Variants in GPC6 observed in about 807,000 individuals in gnomAD.
GPC6 encodes glypican-6.
GPC6 carries 14 observed loss-of-function variants against 55.2 expected under a neutral mutation model. The ratio of observed to expected loss-of-function variants is 0.25; its 90% CI spans 0.17 to 0.40. The LOEUF is 0.40. GPC6 is among the 10% of genes least tolerant of loss of function. The pLI, the probability that GPC6 is intolerant of heterozygous loss-of-function variation, is 1.00. For missense variants in GPC6, 641 were observed against 708.5 expected (o/e 0.90, Z 1.08); for synonymous variants, 278 against 259.6 (o/e 1.07, Z -0.68).
intron 7 of GPC6, among the ~76,000 whole-genome samples, chr13:94,388,083 A>G (rs1184735867): frequency 6.6e-6 from 1 of 152,212 alleles, no homozygotes. Flanking sequence ...CATAAAGATA[A>G]TAGACAACAA....
chr13:94,164,477 A>G (rs1888280436), intron 4 of GPC6, among the ~76,000 whole-genome samples: 1 of 152,240 alleles, frequency 6.6e-6, no homozygotes, highest in South Asian at 2.1e-4. Context: ...GTCTAGAGAA[A>G]GCAAAATACT....
chr13:93,690,360 T>C (rs1446280919), intron 2 of GPC6, among the ~76,000 whole-genome samples: 1 of 151,968 alleles, frequency 6.6e-6, no homozygotes, highest in Non-Finnish European at 1.5e-5. Flanking sequence ...TCACTAAATT[T>C]GTTAGAAAGT....
At chr13:93,236,625 T>C (rs7334414) in intron 1 of GPC6, among the ~76,000 whole-genome samples, 39,133 of 152,082 alleles carry the variant, frequency 0.26, 5,145 homozygotes, top group African/African-American at 0.32. Flanking sequence ...GGTTGCGTGC[T>C]CATTATGAGA....
At chr13:93,552,204 C>T (rs954151467) in intron 2 of GPC6, among the ~76,000 whole-genome samples, 1 of 152,196 alleles carries the variant, frequency 6.6e-6, no homozygotes, top group Non-Finnish European at 1.5e-5. Flanking sequence ...GAAGCAGTCT[C>T]ACTGGCATGG....
intron 2 of GPC6, among the ~76,000 whole-genome samples, chr13:93,601,416 T>A (rs577510160): frequency 6.6e-6 from 1 of 152,098 alleles, no homozygotes; most frequent in African/African-American, 2.4e-5. Flanking sequence ...AATAAAAACA[T>A]GGGCATTAAG....
chr13:94,299,290 C>T (rs1298903459), intron 5 of GPC6, among the ~76,000 whole-genome samples: 1 of 152,216 alleles, frequency 6.6e-6, no homozygotes, highest in Non-Finnish European at 1.5e-5. Flanking sequence ...TGCATCATAT[C>T]ATTCTATCTT....
intron 4 of GPC6, among the ~76,000 whole-genome samples, chr13:94,213,715 T>A (rs1890150372): frequency 6.6e-6 from 1 of 151,968 alleles, no homozygotes; most frequent in African/African-American, 2.4e-5. Flanking sequence ...GCTGTGGAGG[T>A]CTCTTGAGAC....
intron 3 of GPC6, among the ~76,000 whole-genome samples, chr13:93,875,500 T>C (rs909253861): frequency 6.6e-6 from 1 of 152,090 alleles, no homozygotes; most frequent in African/African-American, 2.4e-5. Flanking sequence ...CAATAGTCTC[T>C]ACCAGCCCAC....
chr13:94,376,527 C>G (rs1290490157), intron 6 of GPC6, among the ~76,000 whole-genome samples: 2 of 151,448 alleles, frequency 1.3e-5, no homozygotes, highest in African/African-American at 4.8e-5. Flanking sequence ...GAACTACAAA[C>G]CACTGCTCAA....
intron 3 of GPC6, among the ~76,000 whole-genome samples, chr13:94,012,184 A>C (rs540961842): frequency 1.1e-3 from 163 of 152,310 alleles, no homozygotes; most frequent in Non-Finnish European, 2.0e-3. Context: ...ATGACAGTTC[A>C]TGGCTTAATT....
chr13:93,700,382 A>G (rs1841441442), intron 2 of GPC6, among the ~76,000 whole-genome samples: 1 of 152,040 alleles, frequency 6.6e-6, no homozygotes, highest in Admixed American at 6.6e-5. Context: ...TTCTACAGCA[A>G]TAGCCCTGGC....
At chr13:94,088,862 G>A (rs931498058) in intron 4 of GPC6, among the ~76,000 whole-genome samples, 4 of 152,030 alleles carry the variant, frequency 2.6e-5, no homozygotes, top group African/African-American at 7.2e-5. Flanking sequence ...AGTGATCTTG[G>A]GACTTGATTA....
chr13:93,742,869 C>A (rs150361241), intron 2 of GPC6, among the ~76,000 whole-genome samples: 1 of 152,038 alleles, frequency 6.6e-6, no homozygotes, highest in African/African-American at 2.4e-5. Context: ...CCAACATTCC[C>A]GTCTGCAGTA....
intron 2 of GPC6, among the ~76,000 whole-genome samples, chr13:93,669,203 T>G (rs1178947635): frequency 6.6e-6 from 1 of 152,136 alleles, no homozygotes; most frequent in Non-Finnish European, 1.5e-5. Context: ...TTTTTTTCAT[T>G]TTTTTACTTC....
chr13:94,280,278 G>A (rs4773785), intron 4 of GPC6, among the ~76,000 whole-genome samples: 76,781 of 151,936 alleles, frequency 0.51, 19,642 homozygotes, highest in African/African-American at 0.56. Flanking sequence ...TTTAAAATCA[G>A]AAATAAAAAT....
intron 3 of GPC6, among the ~76,000 whole-genome samples, chr13:93,973,479 C>T (rs377527484): frequency 6.6e-6 from 1 of 151,932 alleles, no homozygotes; most frequent in Non-Finnish European, 1.5e-5. Flanking sequence ...TAATCAGATG[C>T]CCTTTGATAC....
chr13:94,185,888 G>C (rs905537944), intron 4 of GPC6, among the ~76,000 whole-genome samples: 4 of 151,730 alleles, frequency 2.6e-5, no homozygotes, highest in African/African-American at 9.7e-5. Context: ...GTGAAACCCT[G>C]TCTCTACTAA....
chr13:93,818,182 A>T (rs983732232), intron 2 of GPC6, among the ~76,000 whole-genome samples: 3 of 150,480 alleles, frequency 2.0e-5, no homozygotes, highest in African/African-American at 7.3e-5. Flanking sequence ...AATATACAAA[A>T]ATATTACTTT....
chr13:93,709,549 A>G (rs1333115944), intron 2 of GPC6, among the ~76,000 whole-genome samples: 2 of 151,838 alleles, frequency 1.3e-5, no homozygotes, highest in African/African-American at 2.4e-5. Context: ...AGAGGTTTCC[A>G]TAATTCTGAA....
Sources: allele counts gnomAD v4.1 joint callset (sites outside exome capture counted in the v4.1 genomes callset), GRCh38; gene constraint gnomAD v4.1.1; transcripts MANE v1.5; gene names NCBI Gene and HGNC (gene_info 2026-07-23, HGNC 2026-07-21).